Variants in RBM34 observed in about 807,000 individuals in gnomAD.
RBM34 encodes RNA-binding protein 34.
Under a neutral mutation model 44.6 loss-of-function variants are expected in RBM34, and 39 were observed. The observed-to-expected ratio is 0.87, with a 90% CI of 0.68 to 1.14. The LOEUF (loss-of-function observed/expected upper bound fraction) is 1.14, where lower values mean the gene tolerates loss of function less well. Ranked by LOEUF, RBM34 falls within the 50% of genes most tolerant of loss-of-function variation. RBM34 has a pLI of 0.00. For missense variants in RBM34, 572 were observed against 517.9 expected (o/e 1.10, Z -1.01); for synonymous variants, 194 against 184.0 (o/e 1.05, Z -0.44).
intron 3 of RBM34, among the ~76,000 whole-genome samples, chr1:235,158,098 G>A (rs1055338878): frequency 6.6e-6 from 1 of 151,778 alleles, no homozygotes; most frequent in Non-Finnish European, 1.5e-5. Context: ...GATTAGAATC[G>A]TGAGCACGTC....
intron 6 of RBM34, among the ~76,000 whole-genome samples, chr1:235,141,444 T>A (rs1487684881): frequency 6.6e-6 from 1 of 152,134 alleles, no homozygotes; most frequent in Non-Finnish European, 1.5e-5. Flanking sequence ...TGTATCTAGC[T>A]CAGGGATTGT....
intron 3 of RBM34, among the ~76,000 whole-genome samples, chr1:235,157,504 G>A (rs565768903): frequency 6.6e-6 from 1 of 152,028 alleles, no homozygotes. Flanking sequence ...TTACCTGGTG[G>A]TACATATGGA....
At chr1:235,139,736 G>C (rs1661595539) in intron 6 of RBM34, among the ~76,000 whole-genome samples, 1 of 152,220 alleles carries the variant, frequency 6.6e-6, no homozygotes, top group East Asian at 1.9e-4. Flanking sequence ...CCATCACAGA[G>C]CTGAAGTCTT....
In RBM34 at chr1:235,131,662, G is replaced by A; in HGVS notation, c.*51C>T. On this transcript the variant is annotated 3_prime_UTR_variant, in exon 11 of 11. Coordinates refer to ENST00000408888, the MANE Select transcript of RBM34 (RefSeq NM_015014.4). ...CAGACGATGCTATCAGCAGATAATAGCACTTTTATTAGCAGTACTCAGCAG... is the reference window on the plus strand; with the variant it reads ...CAGACGATGCTATCAGCAGATAATAACACTTTTATTAGCAGTACTCAGCAG... The A allele has an allele frequency of 6.5e-7, 1 of 1,529,368 alleles. No homozygotes were observed. The highest frequency in any genetic ancestry group is 1.3e-5 in the South Asian group (1 of 76,936). The allele number at this position is 1,529,368 out of a possible 1,614,324, so 94.7% of individuals were successfully genotyped here. A position where few individuals can be genotyped will look rare whatever the true frequency, so the allele number is the denominator to read the frequency against.
intron 6 of RBM34, among the ~76,000 whole-genome samples, chr1:235,145,467 G>A (rs1276634050): frequency 1.3e-5 from 2 of 151,858 alleles, no homozygotes; most frequent in Admixed American, 6.6e-5. Flanking sequence ...TTGTAGAGAT[G>A]AGGTCTCGCC....
intron 9 of RBM34, 92 bp from the exon 10 acceptor site, chr1:235,135,862 C>A: frequency 7.7e-7 from 1 of 1,297,422 alleles, no homozygotes; most frequent in South Asian, 1.2e-5. Context: ...TAAGCATGGT[C>A]CCATGAAAAT....
Position 235,136,014 on chromosome 1 carries a change from C to CT in RBM34, c.889+19dup. ...TATTTATTTAGTAATATTAACTGTA[C>CT]TTTGTTTAAACAAACTTACTATAAG... On this transcript the variant is annotated intron_variant, in intron 9 of 10. Coordinates refer to ENST00000408888, the MANE Select transcript of RBM34 (RefSeq NM_015014.4). 1 of 1,539,294 alleles carries CT rather than the reference C, an allele frequency of 6.5e-7. No homozygotes were observed. Among genetic ancestry groups the CT allele is most frequent in the South Asian group, 1.2e-5 (1 of 86,784 alleles).
chr1:235,133,271 G>A (rs144411514), intron 10 of RBM34, among the ~76,000 whole-genome samples: 147 of 152,318 alleles, frequency 9.7e-4, no homozygotes, highest in Admixed American at 9.0e-3. Context: ...AGCCTGGGAG[G>A]CAGAGGCTGC....
rs183243941 is a variant in RBM34, at chr1:235,160,033, C to T, written c.365+478G>A. 56 of 234,632 alleles carry T rather than the reference C, an allele frequency of 2.4e-4. No homozygotes were observed. In the East Asian group the frequency reaches 3.6e-3, roughly 15 times the overall value. 14.5% of individuals were successfully genotyped at this position (234,632 alleles called of 1,614,324 possible). On this transcript the variant is annotated intron_variant, in intron 3 of 10. Coordinates refer to ENST00000408888, the MANE Select transcript of RBM34 (RefSeq NM_015014.4). ...CTTTCGGAGGCCGAGGTGGGCAGAT[C>T]GCTTGAGGTCAGGAGTTCCAGACCT...
Position 235,135,707 on chromosome 1 carries a change from A to G in RBM34, c.953T>C (p.Ile318Thr). The G allele has an allele frequency of 1.2e-6, 2 of 1,614,190 alleles. No individual in the cohort carries two copies. The highest frequency in any genetic ancestry group is 1.7e-6 in the Non-Finnish European group (2 of 1,180,030). The change falls in exon 10 of 11, where the codon ATT (isoleucine) becomes ACT (threonine). Residue 318 changes from isoleucine to threonine, a missense_variant. By Grantham distance (89) the Ile-to-Thr change is moderately conservative. Coordinates refer to ENST00000408888, the MANE Select transcript of RBM34 (RefSeq NM_015014.4). Reference sequence around the variant, plus strand: ...GATGCCTGTCATTTTGTCTCTCACAATCCTCACGGCCATGATACTTCCACA... The same window carrying G: ...GATGCCTGTCATTTTGTCTCTCACAGTCCTCACGGCCATGATACTTCCACA... ...LDCGSIMAVR[I>T]VRDKMTGIGK...
intron 8 of RBM34, 28 bp downstream of exon 8, chr1:235,137,849 T>C: frequency 6.5e-7 from 1 of 1,529,312 alleles, no homozygotes; most frequent in Non-Finnish European, 9.0e-7. Context: ...AAAGCTCTCG[T>C]TCTTTAAACA....
At chr1:235,153,223 G>A (rs1407265930) in intron 4 of RBM34, among the ~76,000 whole-genome samples, 10 of 142,560 alleles carry the variant, frequency 7.0e-5, no homozygotes, top group African/African-American at 2.4e-4. Flanking sequence ...TCAGTTGGAT[G>A]AACAAAAAAA....
rs1301117259 is a variant in RBM34 at position 235,161,060 on chromosome 1, G to C, written c.61C>G (p.Pro21Ala). 6.2e-7 allele frequency: 1 copy of C among 1,613,856 alleles called. No homozygotes were observed. The highest frequency in any genetic ancestry group is 1.1e-5 in the South Asian group (1 of 91,062). ...GGACTCCCGCGAACGCCGTCGTCAG[G>C]ATTCTCTCTAGAAATGGACGACAGA... ...RKRSVQEGEN[P>A]DDGVRGSPPE... The change falls in exon 2 of 11, where the codon CCT becomes GCT. Residue 21 changes from proline to alanine, a missense_variant. Physicochemically the swap from Pro to Ala is conservative, Grantham distance 27 (BLOSUM62 -1). Transcript: ENST00000408888.
At chr1:235,149,739 G>A (rs1662079218) in intron 5 of RBM34, among the ~76,000 whole-genome samples, 1 of 152,182 alleles carries the variant, frequency 6.6e-6, no homozygotes, top group South Asian at 2.1e-4. Context: ...CAGGTACTGA[G>A]AAGATCAAGG....
intron 6 of RBM34, 117 bp downstream of exon 6, chr1:235,148,287 T>C: frequency 3.1e-6 from 2 of 639,726 alleles, no homozygotes; most frequent in South Asian, 6.1e-5. Context: ...CAGTCAATCA[T>C]GCTCTATTAT....
At chr1:235,138,620 C>T (rs1247433702) in intron 6 of RBM34, among the ~76,000 whole-genome samples, 5 of 152,182 alleles carry the variant, frequency 3.3e-5, no homozygotes, top group African/African-American at 9.7e-5. Context: ...TTGTAGCCCA[C>T]TCAGAAGCCT....
intron 3 of RBM34, among the ~76,000 whole-genome samples, chr1:235,159,726 C>T (rs1192480133): frequency 6.6e-6 from 1 of 150,700 alleles, no homozygotes; most frequent in African/African-American, 2.4e-5. Context: ...AAAAAATTAA[C>T]CGGGCATGGT....
At chr1:235,155,862 T>TATACATATAC (rs1553275374) in intron 3 of RBM34, among the ~76,000 whole-genome samples, 2 of 40,004 alleles carry the variant, frequency 5.0e-5, no homozygotes, top group African/African-American at 2.8e-4. Context: ...TATATATATA[T>TATACATATAC]ATATACATAT....
chr1:235,143,028 TATATAA>T (rs1661751973), intron 6 of RBM34, among the ~76,000 whole-genome samples: 1 of 150,618 alleles, frequency 6.6e-6, no homozygotes, highest in East Asian at 1.9e-4. Context: ...ATATCTAGAA[TATATAA>T]ATAACTCCTT....
Sources: allele counts gnomAD v4.1 joint callset (sites outside exome capture counted in the v4.1 genomes callset), GRCh38; gene constraint gnomAD v4.1.1; transcripts MANE v1.5; gene names NCBI Gene and HGNC (gene_info 2026-07-23, HGNC 2026-07-21).